Variants in B3GALT1 observed in about 807,000 individuals in gnomAD.
B3GALT1 encodes the protein UDP-Gal:betaGlcNAc beta 1,3-galactosyltransferase, polypeptide 1.
Under a neutral mutation model 23.2 loss-of-function variants are expected in B3GALT1, and 10 were observed. The ratio of observed to expected loss-of-function variants is 0.43; its 90% confidence interval spans 0.27 to 0.73. The LOEUF is 0.73. B3GALT1 is among the 30% of genes least tolerant of loss of function. The pLI, the probability that B3GALT1 is intolerant of heterozygous loss-of-function variation, is 0.21. For missense variants in B3GALT1, 299 were observed against 405.4 expected (o/e 0.74, Z 2.25); for synonymous variants, 156 against 141.5 (o/e 1.10, Z -0.73).
chr2:167,357,241 T>C (rs1288326999), intron 1 of B3GALT1, among the ~76,000 whole-genome samples: 1 of 152,086 alleles, frequency 6.6e-6, no homozygotes, highest in African/African-American at 2.4e-5. Flanking sequence ...TTTTCTCCAA[T>C]TAACTTACAT....
chr2:167,442,816 T>G (rs1309466752), intron 1 of B3GALT1, among the ~76,000 whole-genome samples: 7 of 145,650 alleles, frequency 4.8e-5, no homozygotes, highest in South Asian at 2.3e-4. Flanking sequence ...TTTCTTCCAT[T>G]TTGTGGGTTG....
At chr2:167,676,513 TTATACACA>T (rs1686428518) in intron 3 of B3GALT1, among the ~76,000 whole-genome samples, 1 of 100,832 alleles carries the variant, frequency 9.9e-6, no homozygotes. Context: ...ACGTGTATGT[TTATACACA>T]CACACACACA....
intron 2 of B3GALT1, among the ~76,000 whole-genome samples, chr2:167,623,275 C>T (rs528789913): frequency 2.0e-5 from 3 of 152,022 alleles, no homozygotes; most frequent in Non-Finnish European, 4.4e-5. Flanking sequence ...TGGGTATATG[C>T]CCAAAGGATT....
chr2:167,694,451 T>C (rs868097564), intron 3 of B3GALT1, among the ~76,000 whole-genome samples: 1 of 151,596 alleles, frequency 6.6e-6, no homozygotes, highest in Non-Finnish European at 1.5e-5. Context: ...AACTTAACTA[T>C]GTAAACAAGG....
chr2:167,510,362 T>C (rs183463846), intron 2 of B3GALT1, among the ~76,000 whole-genome samples: 17 of 152,166 alleles, frequency 1.1e-4, no homozygotes, highest in African/African-American at 4.1e-4. Context: ...ATTTATGTGA[T>C]TTTTTAATGG....
intron 2 of B3GALT1, among the ~76,000 whole-genome samples, chr2:167,621,469 C>A (rs142807988): frequency 6.6e-6 from 1 of 152,144 alleles, no homozygotes; most frequent in East Asian, 1.9e-4. Flanking sequence ...ATTGATGAAC[C>A]TTTCTGCCAC....
chr2:167,510,407 G>GTTTTTT (rs35191590), intron 2 of B3GALT1, among the ~76,000 whole-genome samples: 1 of 111,086 alleles, frequency 9.0e-6, no homozygotes. Flanking sequence ...TGCAAGTTTT[G>GTTTTTT]TTTTTTTTTT....
At chr2:167,661,308 T>C (rs968873114) in intron 3 of B3GALT1, among the ~76,000 whole-genome samples, 8 of 152,110 alleles carry the variant, frequency 5.3e-5, no homozygotes, top group African/African-American at 1.9e-4. Flanking sequence ...TTATATACTA[T>C]GGTAGGTGCT....
chr2:167,869,994 T>A lies in B3GALT1; in HGVS notation c.955T>A (p.Ser319Thr). The part of the protein sequence containing the change: ...EEMHRIWNDM[S>T]SKKHLRC The stretch of plus-strand genomic sequence containing the variant: ...AATGCACAGAATCTGGAATGACATG[T>A]CAAGCAAGAAACATCTCAGATGTTA... The change falls in exon 5 of 5, where the codon TCA (serine) becomes ACA (threonine). Residue 319 changes from serine (S) to threonine (T), a missense_variant. By Grantham distance (58) the Ser-to-Thr change is moderately conservative. Transcript: ENST00000392690. This position sits in a 1 kb window ranked among gnomAD's most constrained non-coding sequence, Gnocchi z 6.4. 6.2e-7 allele frequency: 1 copy of A among 1,605,130 alleles called. No homozygotes were observed. Among genetic ancestry groups the A allele is most frequent in the Non-Finnish European group, 8.5e-7 (1 of 1,173,160 alleles).
intron 2 of B3GALT1, among the ~76,000 whole-genome samples, chr2:167,538,914 T>C (rs1683482929): frequency 6.6e-6 from 1 of 152,168 alleles, no homozygotes; most frequent in Admixed American, 6.5e-5. Flanking sequence ...AAAGAGTAAT[T>C]TATCTACAAG....
chr2:167,713,171 A>C (rs867065468), intron 3 of B3GALT1, among the ~76,000 whole-genome samples: 2 of 152,206 alleles, frequency 1.3e-5, no homozygotes, highest in Admixed American at 6.5e-5. Flanking sequence ...CCCATTTCCA[A>C]AATCTAGAAA....
intron 2 of B3GALT1, among the ~76,000 whole-genome samples, chr2:167,575,837 C>CTGAT (rs1477953233): frequency 1.3e-5 from 2 of 151,694 alleles, no homozygotes; most frequent in African/African-American, 4.8e-5. Flanking sequence ...TTATTATAAC[C>CTGAT]TGATTTTTAT....
intron 1 of B3GALT1, among the ~76,000 whole-genome samples, chr2:167,348,530 A>T (rs1051813036): frequency 6.6e-6 from 1 of 152,188 alleles, no homozygotes; most frequent in Non-Finnish European, 1.5e-5. Flanking sequence ...ACCATATTAA[A>T]TGACCTAAAT....
intron 3 of B3GALT1, among the ~76,000 whole-genome samples, chr2:167,652,615 T>G (rs1685887142): frequency 6.6e-6 from 1 of 152,176 alleles, no homozygotes; most frequent in African/African-American, 2.4e-5. Context: ...CCTTACAGAT[T>G]CCTTTTAAAT....
intron 1 of B3GALT1, among the ~76,000 whole-genome samples, chr2:167,395,056 T>C (rs1416426550): frequency 1.3e-5 from 2 of 152,136 alleles, no homozygotes; most frequent in South Asian, 2.1e-4. Context: ...TTTGGGACTT[T>C]TGAGTTGATA....
chr2:167,394,449 G>T (rs1255467290), intron 1 of B3GALT1, among the ~76,000 whole-genome samples: 2 of 151,998 alleles, frequency 1.3e-5, no homozygotes, highest in Non-Finnish European at 2.9e-5. Flanking sequence ...ATTATCTATT[G>T]TAGCAACAGG....
At chr2:167,774,485 G>GTTTTTTTTTTTTTTTT (rs767692581) in intron 3 of B3GALT1, among the ~76,000 whole-genome samples, 3 of 105,178 alleles carry the variant, frequency 2.9e-5, no homozygotes, top group Non-Finnish European at 4.0e-5. Flanking sequence ...TTTTTTTTTT[G>GTTTTTTTTTTTTTTTT]TTTTTTTTTT....
At chr2:167,318,544 C>T (rs549922828) in intron 1 of B3GALT1, among the ~76,000 whole-genome samples, 16 of 151,672 alleles carry the variant, frequency 1.1e-4, no homozygotes, top group African/African-American at 3.6e-4. Context: ...AAAAAAAAAT[C>T]CAACTTAAGT....
chr2:167,321,985 T>G (rs1034966433), intron 1 of B3GALT1, among the ~76,000 whole-genome samples: 1 of 152,042 alleles, frequency 6.6e-6, no homozygotes, highest in African/African-American at 2.4e-5. Flanking sequence ...TTTTTCAATG[T>G]TAAAATTTTG....
Sources: gnomAD v4.1 joint callset for allele counts (sites outside exome capture counted in the v4.1 genomes callset) on GRCh38, gnomAD v4.1.1 for gene constraint, Gnocchi (gnomAD v3.1) non-coding constraint, MANE v1.5 for transcripts, NCBI Gene and HGNC (gene_info 2026-07-23, HGNC 2026-07-21) for gene names.